Variants in CACNA1C observed in about 807,000 individuals in gnomAD.
CACNA1C encodes the protein calcium voltage-gated channel subunit alpha1 C.
Under a neutral mutation model 229.0 loss-of-function variants are expected in CACNA1C, and 30 were observed. That is an observed-to-expected ratio of 0.13 (90% CI 0.10 to 0.18). The LOEUF (loss-of-function observed/expected upper bound fraction) is 0.18, where lower values mean the gene tolerates loss of function less well. Among genes scored for constraint, CACNA1C ranks in the 10% least tolerant of loss-of-function variants. The pLI is 1.00. For missense variants in CACNA1C, 1,658 were observed against 2,845.0 expected (o/e 0.58, Z 9.49); for synonymous variants, 1,114 against 1,132.5 (o/e 0.98, Z 0.33).
rs183716497 is a variant in CACNA1C, at chr12:2,012,241, C to T, written c.139+41040C>T. The stretch of plus-strand genomic sequence containing the variant: ...TGAAGGGGAGGTATAGTATCTACTT[C>T]TATAATGCTGAGATTTAAGAATATT... On this transcript the variant is annotated intron_variant, in intron 1 of 46. Coordinates refer to the CACNA1C transcript ENST00000682462. 6.6e-5 allele frequency among the ~76,000 whole-genome samples: 10 copies of T among 152,284 alleles called. No individual in the cohort carries two copies. In the East Asian group the frequency reaches 1.7e-3, roughly 26 times the overall value.
chr12:2,259,733 A>G (rs1472807600), intron 3 of CACNA1C, among the ~76,000 whole-genome samples: 1 of 152,212 alleles, frequency 6.6e-6, no homozygotes, highest in Non-Finnish European at 1.5e-5. Context: ...GAATGAGTGC[A>G]TTACAGCCTG....
At chr12:2,397,926 G>T (rs1223767388) in intron 3 of CACNA1C, among the ~76,000 whole-genome samples, 2 of 152,250 alleles carry the variant, frequency 1.3e-5, no homozygotes, top group African/African-American at 4.8e-5. Flanking sequence ...CCCTTGGCAG[G>T]CAGGAAGGAC....
At chr12:2,363,186 C>A (rs1394883795) in intron 3 of CACNA1C, among the ~76,000 whole-genome samples, 1 of 152,162 alleles carries the variant, frequency 6.6e-6, no homozygotes, top group Admixed American at 6.5e-5. Flanking sequence ...CCTGGCTGAC[C>A]ATAGCATTGT....
chr12:2,135,601 C>T (rs1428218114), intron 3 of CACNA1C, among the ~76,000 whole-genome samples: 2 of 137,364 alleles, frequency 1.5e-5, no homozygotes, highest in East Asian at 2.0e-4. Context: ...TGGGGGGTGC[C>T]TCCCAGTTAG....
Position 2,559,189 on chromosome 12 carries a change from A to G in CACNA1C, c.1508+2212A>G, listed in dbSNP as rs191786244. On this transcript the variant is annotated intron_variant, in intron 11 of 46. Transcript: ENST00000399655. ...TTAACAGTTCCAAAGCCCCCACACA[A>G]TAAGAGTAAAGGGATTAAAAATACA... Among the ~76,000 whole-genome samples the G allele has an allele frequency of 1.1e-3, 171 of 152,364 alleles. 1 individual carries two copies. The highest frequency in any genetic ancestry group is 4.0e-3 in the African/African-American group (167 of 41,592).
chr12:2,162,455 A>C (rs1489047799), intron 3 of CACNA1C, among the ~76,000 whole-genome samples: 1 of 152,014 alleles, frequency 6.6e-6, no homozygotes, highest in Non-Finnish European at 1.5e-5. Context: ...TTCAGAGGGC[A>C]GTGGTCCATT....
intron 3 of CACNA1C, among the ~76,000 whole-genome samples, chr12:2,134,666 C>T (rs1216231509): frequency 5.9e-5 from 7 of 118,554 alleles, no homozygotes; most frequent in African/African-American, 9.7e-5. Flanking sequence ...GGGTTTCTGC[C>T]GAGAGATCCG....
chr12:2,412,084 T>G (rs536886492), intron 3 of CACNA1C, among the ~76,000 whole-genome samples: 49 of 142,868 alleles, frequency 3.4e-4, no homozygotes, highest in Non-Finnish European at 5.5e-4. Flanking sequence ...CATGCCCACC[T>G]GCCACTCCAC....
intron 1 of CACNA1C, among the ~76,000 whole-genome samples, chr12:2,101,293 C>T (rs192832661): frequency 5.3e-5 from 8 of 152,262 alleles, no homozygotes; most frequent in Admixed American, 5.2e-4. Context: ...GATTAGTTCT[C>T]TCAGGGTAGC....
At chr12:2,036,292 G>A (rs2049123408) in intron 1 of CACNA1C, among the ~76,000 whole-genome samples, 1 of 152,184 alleles carries the variant, frequency 6.6e-6, no homozygotes, top group Non-Finnish European at 1.5e-5. Flanking sequence ...AGTGGGCTGG[G>A]CCACTCACAG....
At chr12:1,979,144 C>T (rs1484794255) in intron 1 of CACNA1C, among the ~76,000 whole-genome samples, 1 of 152,082 alleles carries the variant, frequency 6.6e-6, no homozygotes, top group Admixed American at 6.6e-5. Flanking sequence ...TCCCAAGTGG[C>T]TGGGATTACA....
chr12:2,523,355 C>A (rs773129567), intron 9 of CACNA1C, among the ~76,000 whole-genome samples: 1 of 152,146 alleles, frequency 6.6e-6, no homozygotes, highest in African/African-American at 2.4e-5. Context: ...AATTCCGTGA[C>A]CTATCCGATT....
At chr12:2,674,448 C>T (rs1387769402) in intron 38 of CACNA1C, 93 bp from the exon 39 acceptor site, 1 of 1,483,246 alleles carries the variant, frequency 6.7e-7, no homozygotes, top group Non-Finnish European at 9.0e-7. Flanking sequence ...TTGCGTGGGG[C>T]AGATGCCACC....
chr12:2,284,387 A>G (rs2092262856), intron 3 of CACNA1C, among the ~76,000 whole-genome samples: 1 of 151,986 alleles, frequency 6.6e-6, no homozygotes, highest in South Asian at 2.1e-4. Context: ...TAGTTACACA[A>G]GCGGCTGCTG....
At position 2,307,514 on chromosome 12, in the gene CACNA1C, T is replaced by C. The variant is rs117639423; in HGVS notation, c.478-141462T>C. On this transcript the variant is annotated intron_variant, in intron 3 of 46. Coordinates refer to ENST00000399655, the MANE Select transcript of CACNA1C (RefSeq NM_000719.7). ...AGCTCTACTTCTCTGCAAAGGGTGC[T>C]GGGGCCGAGATTCATGGCCTTTAAC... Among the ~76,000 whole-genome samples, 1,489 of 152,300 alleles carry C rather than the reference T, an allele frequency of 9.8e-3. 12 individuals carry two copies. Among genetic ancestry groups the C allele is most frequent in the Middle Eastern group, 0.017 (5 of 294 alleles).
At chr12:2,154,206 G>T (rs2095435523) in intron 3 of CACNA1C, among the ~76,000 whole-genome samples, 1 of 152,188 alleles carries the variant, frequency 6.6e-6, no homozygotes, top group African/African-American at 2.4e-5. Flanking sequence ...CCAGTGACAG[G>T]CCCTACTTAA....
At chr12:2,409,500 A>G (rs978908141) in intron 3 of CACNA1C, among the ~76,000 whole-genome samples, 5 of 152,240 alleles carry the variant, frequency 3.3e-5, no homozygotes, top group Non-Finnish European at 7.3e-5. Context: ...TGATGGATAT[A>G]TTAACCAGCA....
chr12:2,598,614 C>T (rs1275852133), intron 21 of CACNA1C, among the ~76,000 whole-genome samples: 1 of 152,206 alleles, frequency 6.6e-6, no homozygotes, highest in Non-Finnish European at 1.5e-5. Context: ...CCTTGTCATC[C>T]TATCGCTGTG....
chr12:2,104,990 G>A (rs950821175), intron 1 of CACNA1C, among the ~76,000 whole-genome samples: 3 of 152,206 alleles, frequency 2.0e-5, no homozygotes, highest in African/African-American at 7.2e-5. Flanking sequence ...GAGAGCCCTC[G>A]AGTGCCAAGG....
Sources: gnomAD v4.1 joint callset for allele counts (sites outside exome capture counted in the v4.1 genomes callset) on GRCh38, gnomAD v4.1.1 for gene constraint, MANE v1.5 for transcripts, NCBI Gene and HGNC (gene_info 2026-07-23, HGNC 2026-07-21) for gene names.